Variants in UGT1A5 observed in about 807,000 individuals in gnomAD.
UGT1A5 encodes the protein UDP glucuronosyltransferase family 1 member A5, also known as UDP-glucuronosyltransferase 1A5.
Under a neutral mutation model 40.3 loss-of-function variants are expected in UGT1A5, and 29 were observed. The observed-to-expected ratio is 0.72, with a 90% CI of 0.54 to 0.98. The LOEUF is 0.98. Among genes scored for constraint, UGT1A5 ranks in the 50% least tolerant of loss-of-function variants. The pLI is 0.00. For missense variants in UGT1A5, 678 were observed against 677.9 expected, an observed-to-expected ratio of 1.00 and a Z score of 0.00; for synonymous variants, 257 against 262.5, an observed-to-expected ratio of 0.98 and a Z score of 0.20.
At chr2:233,738,057 T>A (rs1690675558) in intron 1 of UGT1A5, among the ~76,000 whole-genome samples, 2 of 152,114 alleles carry the variant, frequency 1.3e-5, no homozygotes, top group Admixed American at 1.3e-4. Flanking sequence ...CAGGACATGG[T>A]GGGAGGTCCC....
At chr2:233,767,785 G>C (rs1699483415) in intron 2 of UGT1A5, 64 bp from the exon 3 acceptor site, 2 of 1,613,510 alleles carry the variant, frequency 1.2e-6, no homozygotes, top group Non-Finnish European at 1.7e-6. Flanking sequence ...AGTTAGTATA[G>C]CAGATTTGTT....
chr2:233,747,064 G>A (rs904041772), intron 1 of UGT1A5: 9 of 934,146 alleles, frequency 9.6e-6, no homozygotes, highest in African/African-American at 1.7e-5. Flanking sequence ...TTGGTTAATC[G>A]GTAATAATTA....
chr2:233,766,561 C>T (rs1699182212), intron 1 of UGT1A5, among the ~76,000 whole-genome samples: 1 of 152,200 alleles, frequency 6.6e-6, no homozygotes, highest in Non-Finnish European at 1.5e-5. Context: ...CACCTAGGTC[C>T]ATGGGCACAG....
At chr2:233,748,984 C>T (rs1315447738) in intron 1 of UGT1A5, among the ~76,000 whole-genome samples, 18 of 151,726 alleles carry the variant, frequency 1.2e-4, no homozygotes, top group Non-Finnish European at 2.1e-4. Context: ...TACTTCTTTA[C>T]CAACAATTTC....
At chr2:233,720,432 T>G (rs1054639821) in intron 1 of UGT1A5, among the ~76,000 whole-genome samples, 2 of 151,984 alleles carry the variant, frequency 1.3e-5, no homozygotes, top group Non-Finnish European at 2.9e-5. Flanking sequence ...GATAAGACCG[T>G]GAATCTATAA....
intron 1 of UGT1A5, chr2:233,717,714 T>C: frequency 2.2e-6 from 1 of 453,348 alleles, no homozygotes; most frequent in South Asian, 1.6e-5. Context: ...ACGAGCCTCA[T>C]GGGCATGAGA....
intron 1 of UGT1A5, among the ~76,000 whole-genome samples, chr2:233,744,283 G>A (rs1174780649): frequency 6.6e-6 from 1 of 151,820 alleles, no homozygotes; most frequent in Non-Finnish European, 1.5e-5. Context: ...CTTTATATCA[G>A]TCTTTTTCCT....
At chr2:233,743,214 G>A (rs1433363859) in intron 1 of UGT1A5, 1 of 406,842 alleles carries the variant, frequency 2.5e-6, no homozygotes, top group Non-Finnish European at 4.9e-6. Flanking sequence ...CGGAGTAACT[G>A]CTCTTTGCTA....
rs771015573 is a variant in UGT1A5 at position 233,755,062 on chromosome 2, C to T, written c.868-11972C>T. On this transcript the variant is annotated intron_variant, in intron 1 of 4. Coordinates refer to ENST00000373414, the MANE Select transcript of UGT1A5 (RefSeq NM_019078.2). ...GCGCAGCCGCCCTCCGCCCTCGCCT[C>T]GCCATAGCGGTCATAGATATCGCGT... 7 of 1,335,332 alleles carry T rather than the reference C, an allele frequency of 5.2e-6. No individual in the cohort carries two copies. In the African/African-American group the frequency reaches 6.0e-5, roughly 11 times the overall value. 82.7% of individuals were successfully genotyped at this position (1,335,332 alleles called of 1,614,324 possible). A position where few individuals can be genotyped will look rare whatever the true frequency, so the allele number is the denominator to read the frequency against.
At chr2:233,725,116 C>T (rs2077366977) in intron 1 of UGT1A5, among the ~76,000 whole-genome samples, 1 of 140,206 alleles carries the variant, frequency 7.1e-6, no homozygotes, top group Non-Finnish European at 1.5e-5. Flanking sequence ...AGGGAGGTTG[C>T]AGTGAGCCGA....
At chr2:233,739,499 A>T (rs927597154) in intron 1 of UGT1A5, among the ~76,000 whole-genome samples, 8 of 152,214 alleles carry the variant, frequency 5.3e-5, no homozygotes, top group African/African-American at 1.4e-4. Context: ...CATCACCTTG[A>T]TCTAGATGTG....
intron 4 of UGT1A5, among the ~76,000 whole-genome samples, 167 bp from the exon 5 acceptor site, chr2:233,772,095 A>T (rs35172078): frequency 0.012 from 1,767 of 152,322 alleles, 16 homozygotes; most frequent in Middle Eastern, 0.031. Context: ...CCCGGGCAAC[A>T]GGGCAAGACT....
chr2:233,737,601 C>T (rs2078898961), intron 1 of UGT1A5, among the ~76,000 whole-genome samples: 1 of 152,178 alleles, frequency 6.6e-6, no homozygotes, highest in African/African-American at 2.4e-5. Flanking sequence ...GAACCAGGTA[C>T]CTCAGTTGGA....
Position 233,772,549 on chromosome 2 carries a change from A to G in UGT1A5, c.1595A>G (p.Lys532Arg), listed in dbSNP as rs1196632178. Residue 532 changes from lysine to arginine, a missense_variant, in exon 5 of 5, where the codon AAG (lysine) becomes AGG (arginine). By Grantham distance (26) the Lys-to-Arg change is conservative (BLOSUM62 2). Coordinates refer to ENST00000373414, the MANE Select transcript of UGT1A5 (RefSeq NM_019078.2). ...CGAGTTAAGAAAGCCCACAAATCCA[A>G]GACCCATTGAGAAGTGGGTGGGAAA... ...KGRVKKAHKS[K>R]TH 6.2e-7 allele frequency: 1 copy of G among 1,614,094 alleles called. No individual in the cohort carries two copies. The highest frequency in any genetic ancestry group is 8.5e-7 in the Non-Finnish European group (1 of 1,179,962).
chr2:233,760,450 C>CA lies in UGT1A5; in HGVS notation c.868-6583dup. On this transcript the variant is annotated intron_variant, in intron 1 of 4. Coordinates refer to ENST00000373414, the MANE Select transcript of UGT1A5 (RefSeq NM_019078.2). ...CATCCAGCAGCTGCAGCAGAGGGGA[C>CA]ATGAAATAGTTGTCCTAGCACCTGA... 1.2e-6 allele frequency: 2 copies of CA among 1,614,202 alleles called. No individual in the cohort carries two copies. The highest frequency in any genetic ancestry group is 1.7e-6 in the Non-Finnish European group (2 of 1,180,036).
chr2:233,737,914 TA>T (rs1690631696), intron 1 of UGT1A5, among the ~76,000 whole-genome samples: 4 of 152,128 alleles, frequency 2.6e-5, no homozygotes, highest in African/African-American at 4.8e-5. Flanking sequence ...AAGAACAGGC[TA>T]GTGTATTTAG....
chr2:233,761,042 C>A, intron 1 of UGT1A5: 1 of 1,614,180 alleles, frequency 6.2e-7, no homozygotes, highest in Non-Finnish European at 8.5e-7. Context: ...AGCTCTGCAT[C>A]TGTCTGGCTG....
At position 233,769,833 on chromosome 2, in the gene UGT1A5, G is replaced by A. The variant is rs567832844; in HGVS notation, c.1307+1394G>A. The A allele has an allele frequency of 4.3e-4, 293 of 685,174 alleles. No homozygotes were observed. The African/African-American group carries it at 5.2e-3, about 12-fold the overall frequency. The allele number at this position is 685,174 out of a possible 1,614,324, so 42.4% of individuals were successfully genotyped here. On this transcript the variant is annotated intron_variant, in intron 4 of 4. Coordinates refer to ENST00000373414, the MANE Select transcript of UGT1A5 (RefSeq NM_019078.2). The surrounding 1 kb of genome is among the most constrained non-coding windows in gnomAD (Gnocchi z 4.4). ...TCATGCCACTGCACTCCAGCAACCT[G>A]GGCAACAGAGTGAGACCCTGTCTCA...
At chr2:233,718,851 C>G in intron 1 of UGT1A5, 1 of 1,613,708 alleles carries the variant, frequency 6.2e-7, no homozygotes. Context: ...TCCCCTGCCG[C>G]GGCTGGCCAC....
Sources: allele counts gnomAD v4.1 joint callset (sites outside exome capture counted in the v4.1 genomes callset), GRCh38; gene constraint gnomAD v4.1.1; non-coding constraint Gnocchi (gnomAD v3.1); transcripts MANE v1.5; gene names NCBI Gene and HGNC (gene_info 2026-07-23, HGNC 2026-07-21).